Variants in APOO observed in about 807,000 individuals in gnomAD.
APOO encodes apolipoprotein O.
A neutral mutation model predicts 23.1 loss-of-function variants in APOO; 11 were observed. That is an observed-to-expected ratio of 0.48 (90% CI 0.30 to 0.79). The LOEUF is 0.79. APOO is among the 30% of genes least tolerant of loss of function. The pLI is 0.07. For synonymous variants in APOO, 59 were observed against 54.8 expected, an observed-to-expected ratio of 1.08 and a Z score of -0.34; for missense variants, 160 against 142.7, an observed-to-expected ratio of 1.12 and a Z score of -0.62.
chrX:23,863,527 G>C (rs754299103), intron 5 of APOO, among the ~76,000 whole-genome samples: 4 of 111,969 alleles, frequency 3.6e-5, no homozygotes, highest in African/African-American at 6.5e-5. Flanking sequence ...GGCTTTGAAA[G>C]TTTTGATGGC....
chrX:23,871,360 C>T (rs1243850604), intron 4 of APOO, among the ~76,000 whole-genome samples: 27 of 68,927 alleles, frequency 3.9e-4, no homozygotes, highest in African/African-American at 3.6e-3. Flanking sequence ...AAGACTCCGT[C>T]TCAAAAAAAA....
intron 7 of APOO, among the ~76,000 whole-genome samples, chrX:23,853,608 G>GTTTTTTTT (rs367944878): frequency 9.8e-6 from 1 of 101,788 alleles, no homozygotes; most frequent in African/African-American, 3.5e-5. Flanking sequence ...GAGCCCGACC[G>GTTTTTTTT]TTTTTTTTTT....
At chrX:23,891,112 C>T (rs151023480) in intron 1 of APOO, among the ~76,000 whole-genome samples, 321 of 111,634 alleles carry the variant, frequency 2.9e-3, no homozygotes, top group African/African-American at 0.01. Context: ...GTACTCTCTC[C>T]TCCCCTTTTG....
intron 1 of APOO, among the ~76,000 whole-genome samples, chrX:23,887,585 C>T (rs946193910): frequency 2.7e-5 from 3 of 110,971 alleles, no homozygotes; most frequent in East Asian, 2.8e-4. Flanking sequence ...CATGTACCCA[C>T]GCCCTGAGCA....
At chrX:23,878,542 G>A (rs1311060647) in intron 3 of APOO, among the ~76,000 whole-genome samples, 1 of 112,176 alleles carries the variant, frequency 8.9e-6, no homozygotes, top group Non-Finnish European at 1.9e-5. Flanking sequence ...GTTGACACAG[G>A]CATGCAATGT....
chrX:23,878,821 T>TC, intron 3 of APOO, 94 bp downstream of exon 3: 9 of 1,074,690 alleles, frequency 8.4e-6, no homozygotes, highest in Non-Finnish European at 1.1e-5. Flanking sequence ...GGGCCCTTTA[T>TC]CATGCCTTTT....
At chrX:23,903,585 T>C (rs900474413) in intron 1 of APOO, among the ~76,000 whole-genome samples, 6 of 111,492 alleles carry the variant, frequency 5.4e-5, no homozygotes, top group African/African-American at 1.6e-4. Context: ...GTCCAAAAAG[T>C]AAATCAGTAT....
chrX:23,856,960 G>T (rs1924809252), intron 6 of APOO, among the ~76,000 whole-genome samples: 1 of 112,136 alleles, frequency 8.9e-6, no homozygotes, highest in East Asian at 2.8e-4. Flanking sequence ...GGAGCTGGGG[G>T]CCATTATCTT....
chrX:23,904,707 C>T (rs1239980072), intron 1 of APOO, among the ~76,000 whole-genome samples: 2 of 109,855 alleles, frequency 1.8e-5, no homozygotes, highest in East Asian at 5.8e-4. Context: ...AGGGTTTCAC[C>T]ATGTTAGCCA....
chrX:23,884,758 G>A (rs1306339047), intron 1 of APOO, among the ~76,000 whole-genome samples: 3 of 111,173 alleles, frequency 2.7e-5, no homozygotes, highest in Non-Finnish European at 5.7e-5. Flanking sequence ...TTGGATTTTC[G>A]AAAATCAGGA....
intron 8 of APOO, among the ~76,000 whole-genome samples, chrX:23,838,357 C>CAAAA (rs764414297): frequency 0.21 from 3,997 of 19,420 alleles, 225 homozygotes; most frequent in South Asian, 0.33. Flanking sequence ...AACTCTATCT[C>CAAAA]AAAAAAAAAA....
intron 1 of APOO, among the ~76,000 whole-genome samples, chrX:23,893,957 G>T (rs779556009): frequency 2.9e-4 from 32 of 110,777 alleles, no homozygotes; most frequent in Non-Finnish European, 5.7e-4. Flanking sequence ...GTGGACAATA[G>T]CAACCTGACC....
chrX:23,856,333 A>G lies in APOO; in HGVS notation c.530T>C (p.Ile177Thr), dbSNP rs1182381423. ...AAAGTTCTCCTTCCACAAATCTTCT[A>G]TGACTATATATCCTCGTAAACCCCA... ...YDWGLRGYIV[I>T]EDLWKENFQK... The change falls in exon 7 of 9, where the codon ATA (isoleucine) becomes ACA (threonine). Residue 177 changes from isoleucine (I) to threonine (T), a missense_variant. Ile to Thr is a moderately conservative substitution (Grantham distance 89, BLOSUM62 -1). Coordinates refer to ENST00000379226, the MANE Select transcript of APOO (RefSeq NM_024122.5). 2 of 1,208,557 alleles carry G rather than the reference A, an allele frequency of 1.7e-6. No homozygotes were observed. Among genetic ancestry groups the G allele is most frequent in the Non-Finnish European group, 2.2e-6 (2 of 894,580 alleles).
intron 1 of APOO, among the ~76,000 whole-genome samples, chrX:23,887,479 G>A (rs983387274): frequency 1.0e-4 from 11 of 109,113 alleles, no homozygotes; most frequent in Non-Finnish European, 1.5e-4. Context: ...TGATCCGTCC[G>A]CCTCGGCCTC....
chrX:23,899,989 T>C (rs1423696068), intron 1 of APOO, among the ~76,000 whole-genome samples: 1 of 112,499 alleles, frequency 8.9e-6, no homozygotes, highest in African/African-American at 3.2e-5. Context: ...GTGCCTCTAA[T>C]CTCTCCGTTC....
At chrX:23,886,361 T>C (rs1390029573) in intron 1 of APOO, among the ~76,000 whole-genome samples, 1 of 112,101 alleles carries the variant, frequency 8.9e-6, no homozygotes, top group East Asian at 2.8e-4. Flanking sequence ...GTGAACTTTC[T>C]GGGGTGAAAC....
intron 1 of APOO, among the ~76,000 whole-genome samples, chrX:23,888,887 T>G (rs1393077860): frequency 9.9e-6 from 1 of 101,250 alleles, no homozygotes; most frequent in Non-Finnish European, 2.0e-5. Context: ...AGGCATAAGA[T>G]TGAGTTTATT....
chrX:23,835,909 A>T (rs1923644206), intron 8 of APOO, among the ~76,000 whole-genome samples: 1 of 112,288 alleles, frequency 8.9e-6, no homozygotes, highest in African/African-American at 3.2e-5. Context: ...AGAAAACAGG[A>T]ATTCTAAAGG....
At chrX:23,874,186 G>A (rs757016239) in intron 4 of APOO, among the ~76,000 whole-genome samples, 1 of 111,239 alleles carries the variant, frequency 9.0e-6, no homozygotes, top group East Asian at 2.8e-4. Context: ...GAATCCTAAC[G>A]ATCTTGAAGA....
Sources: allele counts gnomAD v4.1 joint callset (sites outside exome capture counted in the v4.1 genomes callset), GRCh38; gene constraint gnomAD v4.1.1; transcripts MANE v1.5; gene names NCBI Gene and HGNC (gene_info 2026-07-23, HGNC 2026-07-21).